Variants in SYT7 observed in about 807,000 individuals in gnomAD.
SYT7 encodes the protein synaptotagmin 7, also known as synaptotagmin-7.
Under a neutral mutation model 75.1 loss-of-function variants are expected in SYT7, and 29 were observed. That is an observed-to-expected ratio of 0.39 (90% CI 0.29 to 0.53). SYT7 has a LOEUF of 0.53. SYT7 is among the 20% of genes least tolerant of loss of function. The probability of loss-of-function intolerance (pLI) is 0.77; values close to 1 mark genes in which losing one functional copy is unlikely to be tolerated. For missense variants in SYT7, 693 were observed against 953.2 expected (o/e 0.73, Z 3.59); for synonymous variants, 376 against 401.7 (o/e 0.94, Z 0.76).
chr11:61,581,675 G>A (rs563555272), upstream of SYT7, among the ~76,000 whole-genome samples: 72 of 152,348 alleles, frequency 4.7e-4, no homozygotes, highest in African/African-American at 1.7e-3. Flanking sequence ...AAAGGGCTAA[G>A]ATCCCTGCCC....
intron 1 of SYT7, among the ~76,000 whole-genome samples, chr11:61,578,610 G>C (rs905274054): frequency 3.3e-5 from 5 of 152,284 alleles, no homozygotes; most frequent in African/African-American, 1.2e-4. Flanking sequence ...GGGGAGCTGG[G>C]GGGAAGGGAA....
rs1169698114 is a variant in SYT7 at position 61,524,632 on chromosome 11, C to T, written c.1472-100G>A. The T allele has an allele frequency of 8.3e-7, 1 of 1,203,992 alleles. No homozygotes were observed. Among genetic ancestry groups the T allele is most frequent in the Non-Finnish European group, 1.1e-6 (1 of 870,746 alleles). The allele number at this position is 1,203,992 out of a possible 1,614,324, so 74.6% of individuals were successfully genotyped here. ...TGGGAAGAGGAGGCAGGCCCTGTGC[C>T]CTCCCGCTGCCACCCCACCGGGCCA... On this transcript the variant is annotated intron_variant, in intron 9 of 12. Coordinates refer to ENST00000539008, the MANE Select transcript of SYT7 (RefSeq NM_001365809.2). The surrounding 1 kb of genome is among the most constrained non-coding windows in gnomAD (Gnocchi z 4.1).
At chr11:61,533,498 AGCCTGGAAGGGGGAG>A in intron 7 of SYT7, 1 of 985,200 alleles carries the variant, frequency 1.0e-6, no homozygotes, top group Non-Finnish European at 1.2e-6. Flanking sequence ...ATCCGCCCCC[AGCCTGGAAGGGGGAG>A]GCTCCACCGT....
chr11:61,551,314 G>A lies in SYT7; in HGVS notation c.215+70C>T. 7.0e-7 allele frequency: 1 copy of A among 1,425,614 alleles called. No individual in the cohort carries two copies. Among genetic ancestry groups the A allele is most frequent in the East Asian group, 2.3e-5 (1 of 43,990 alleles). The allele number at this position is 1,425,614 out of a possible 1,614,324, so 88.3% of individuals were successfully genotyped here. A position where few individuals can be genotyped will look rare whatever the true frequency, so the allele number is the denominator to read the frequency against. ...GTGTGGTCAGGTCTGTGGGGCTGGG[G>A]GAGAGAAGGGGCTCCTCCCACCTGG... On this transcript the variant is annotated intron_variant, in intron 3 of 12. Coordinates refer to ENST00000539008, the MANE Select transcript of SYT7 (RefSeq NM_001365809.2). This position sits in a 1 kb window ranked among gnomAD's most constrained non-coding sequence, Gnocchi z 5.3.
intron 3 of SYT7, among the ~76,000 whole-genome samples, chr11:61,550,739 C>G (rs1213678081): frequency 6.6e-6 from 1 of 152,170 alleles, no homozygotes; most frequent in Non-Finnish European, 1.5e-5. Context: ...CCAGTGACCT[C>G]AGCAGAGGGC....
chr11:61,585,841 C>T (rs115211878), upstream of SYT7, among the ~76,000 whole-genome samples: 646 of 152,248 alleles, frequency 4.2e-3, 6 homozygotes, highest in African/African-American at 0.014. Context: ...GAACTCGGGT[C>T]CTACCTCTGC....
intron 12 of SYT7, among the ~76,000 whole-genome samples, chr11:61,520,763 C>T (rs988246404): frequency 7.2e-5 from 11 of 152,178 alleles, no homozygotes; most frequent in African/African-American, 2.2e-4. Context: ...GCAGAGGTTG[C>T]AGTGAGCCAA....
At chr11:61,529,136 G>GT (rs1216547399) in intron 8 of SYT7, among the ~76,000 whole-genome samples, 1 of 152,168 alleles carries the variant, frequency 6.6e-6, no homozygotes, top group Non-Finnish European at 1.5e-5. Context: ...TTAGGGGGCT[G>GT]TATGGCTCAG....
chr11:61,578,122 G>C (rs971662015), intron 1 of SYT7, among the ~76,000 whole-genome samples: 2 of 152,154 alleles, frequency 1.3e-5, no homozygotes, highest in Non-Finnish European at 2.9e-5. Flanking sequence ...CATGGGAGGG[G>C]GCTGGTCTGG....
rs1405416789 is a variant in SYT7 at position 61,580,349 on chromosome 11, G to A, written c.31+441C>T. Among the ~76,000 whole-genome samples, 1 of 151,950 alleles carries A rather than the reference G, an allele frequency of 6.6e-6. No individual in the cohort carries two copies. The highest frequency in any genetic ancestry group is 2.0e-4 in the East Asian group (1 of 5,124). Reference sequence around the variant, plus strand: ...ACAGTTGGCACTGCGATGCCACTCCGCTCCCCTGTGCCCGCAACCTTGGCC... The same window carrying A: ...ACAGTTGGCACTGCGATGCCACTCCACTCCCCTGTGCCCGCAACCTTGGCC... On this transcript the variant is annotated intron_variant, in intron 1 of 12. Transcript: ENST00000539008. This position sits in a 1 kb window ranked among gnomAD's most constrained non-coding sequence, Gnocchi z 6.1.
In SYT7 at chr11:61,528,108, G is replaced by A. The variant is rs777858900; in HGVS notation, c.1278C>T (p.Val426=). 9.3e-6 allele frequency: 15 copies of A among 1,613,606 alleles called. No individual in the cohort carries two copies. Among genetic ancestry groups the A allele is most frequent in the African/African-American group, 2.7e-5 (2 of 74,914 alleles). ...GCGTGGACTCCTGGAAGTTGTAGCC[G>A]ACACTGAACTGGATCCGGCCCAGGT... ...RENLGRIQFS[V]GYNFQESTLT... is the part of the protein sequence containing the mutation. Residue 426 remains valine, a synonymous_variant, in exon 9 of 13, where the codon GTC becomes GTT. Coordinates refer to ENST00000539008, the MANE Select transcript of SYT7 (RefSeq NM_001365809.2).
At chr11:61,568,337 A>C (rs184975972) in intron 1 of SYT7, among the ~76,000 whole-genome samples, 2 of 152,348 alleles carry the variant, frequency 1.3e-5, no homozygotes, top group East Asian at 3.9e-4. Flanking sequence ...GCCAGCACCC[A>C]AAACCACAGC....
intron 1 of SYT7, among the ~76,000 whole-genome samples, chr11:61,558,471 A>T: frequency 6.9e-6 from 1 of 145,912 alleles, no homozygotes; most frequent in East Asian, 2.0e-4. Flanking sequence ...CTCTGTTTCA[A>T]AAAAATATAT....
In SYT7 at chr11:61,518,704, CT is replaced by C. The variant is rs2062213400; in HGVS notation, c.1983del (p.Glu663ArgfsTer2). The C allele has an allele frequency of 6.5e-7, 1 of 1,549,056 alleles. No homozygotes were observed. The highest frequency in any genetic ancestry group is 8.7e-7 in the Non-Finnish European group (1 of 1,145,402). On this transcript the variant is annotated frameshift_variant, in exon 13 of 13. Transcript: ENST00000539008. LOFTEE classifies it high-confidence loss of function. Reference sequence around the variant, plus strand: ...ATGTCCTTCCAGTGCTTCACCTCCCCTGGCCCGCTCTTCCAGGACAGGTAGA... The same window carrying C: ...ATGTCCTTCCAGTGCTTCACCTCCCCGGCCCGCTCTTCCAGGACAGGTAGA... The part of the protein sequence containing the change: ...GKIYLSWKSG[P>X]GEVKHWKDMI...
Position 61,546,310 on chromosome 11 carries a change from G to A in SYT7, c.348-55C>T. On this transcript the variant is annotated intron_variant, in intron 4 of 12. Coordinates refer to ENST00000539008, the MANE Select transcript of SYT7 (RefSeq NM_001365809.2). This position sits in a 1 kb window ranked among gnomAD's most constrained non-coding sequence, Gnocchi z 7.6. ...GAGGGGCACCGGGGGTGGCGGTGGG[G>A]GAGAGAGGGCAGGCCATACGTGGGG... The A allele has an allele frequency of 7.8e-7, 1 of 1,279,820 alleles. No homozygotes were observed. Among genetic ancestry groups the A allele is most frequent in the Non-Finnish European group, 1.0e-6 (1 of 973,644 alleles). 79.3% of individuals were successfully genotyped at this position (1,279,820 alleles called of 1,614,324 possible).
chr11:61,568,259 C>T (rs1313080345), intron 1 of SYT7, among the ~76,000 whole-genome samples: 4 of 152,168 alleles, frequency 2.6e-5, no homozygotes, highest in African/African-American at 7.2e-5. Flanking sequence ...TGATATGAAC[C>T]TTACTGGGTT....
chr11:61,534,184 A>T (rs980284175), intron 7 of SYT7, among the ~76,000 whole-genome samples: 1 of 152,210 alleles, frequency 6.6e-6, no homozygotes, highest in Non-Finnish European at 1.5e-5. Flanking sequence ...GCTAAAATAG[A>T]ACAGCTTTGA....
At chr11:61,578,053 G>A (rs1450282238) in intron 1 of SYT7, among the ~76,000 whole-genome samples, 1 of 152,246 alleles carries the variant, frequency 6.6e-6, no homozygotes, top group African/African-American at 2.4e-5. Context: ...GGGCAGAAGG[G>A]AGGCTGCAGG....
At chr11:61,535,506 G>C (rs2062843526) in intron 7 of SYT7, among the ~76,000 whole-genome samples, 1 of 152,226 alleles carries the variant, frequency 6.6e-6, no homozygotes. Context: ...AGGGTGGAAT[G>C]GGCGCAGCAG....
Sources: gnomAD v4.1 joint callset for allele counts (sites outside exome capture counted in the v4.1 genomes callset) on GRCh38, gnomAD v4.1.1 for gene constraint, Gnocchi (gnomAD v3.1) non-coding constraint, MANE v1.5 for transcripts, NCBI Gene and HGNC (gene_info 2026-07-23, HGNC 2026-07-21) for gene names.